EPHA6: variants seen among roughly 807,000 people sequenced by gnomAD.
The protein encoded by EPHA6 is EPH receptor A6.
Under a neutral mutation model 112.0 loss-of-function variants are expected in EPHA6, and 50 were observed. The ratio of observed to expected loss-of-function variants is 0.45; its 90% CI spans 0.36 to 0.56. The LOEUF (loss-of-function observed/expected upper bound fraction) is 0.56, where lower values mean the gene tolerates loss of function less well. Ranked by LOEUF, EPHA6 falls within the 20% of genes least tolerant of loss-of-function variation. The pLI is 0.00. For synonymous variants in EPHA6, 529 were observed against 490.7 expected (o/e 1.08, Z -1.03); for missense variants, 1,280 against 1,417.4 (o/e 0.90, Z 1.56).
intron 2 of EPHA6, among the ~76,000 whole-genome samples, chr3:96,868,455 TA>T (rs201545276): frequency 0.013 from 2,017 of 151,930 alleles, 44 homozygotes; most frequent in African/African-American, 0.044. Flanking sequence ...TTACAGTACT[TA>T]AAATCCACCA....
At chr3:97,523,379 G>A (rs1219961535) in intron 10 of EPHA6, among the ~76,000 whole-genome samples, 1 of 151,912 alleles carries the variant, frequency 6.6e-6, no homozygotes, top group African/African-American at 2.4e-5. Context: ...ATTCCATTAT[G>A]GTCAGAAAAT....
chr3:97,308,339 A>G (rs1576908424), intron 5 of EPHA6, among the ~76,000 whole-genome samples: 1 of 151,734 alleles, frequency 6.6e-6, no homozygotes, highest in Non-Finnish European at 1.5e-5. Context: ...CCCACCACCT[A>G]TAAAAGAAAG....
At chr3:97,194,921 T>A (rs1316250508) in intron 3 of EPHA6, among the ~76,000 whole-genome samples, 1 of 152,090 alleles carries the variant, frequency 6.6e-6, no homozygotes, top group East Asian at 1.9e-4. Flanking sequence ...TGTTTTACCA[T>A]CCCTTTATTT....
At position 97,532,397 on chromosome 3, in the gene EPHA6, C is replaced by T. The variant is rs772863999; in HGVS notation, c.2240C>T (p.Pro747Leu). The T allele has an allele frequency of 1.5e-5, 24 of 1,612,020 alleles. No individual in the cohort carries two copies. The highest frequency in any genetic ancestry group is 1.5e-5 in the Non-Finnish European group (18 of 1,178,730). ...GTCTGTAGTGGGCGTTTGAAGACACCAGGGAAAAGAGAGATCCCAGTTGCC... is the reference window on the plus strand; with the variant it reads ...GTCTGTAGTGGGCGTTTGAAGACACTAGGGAAAAGAGAGATCCCAGTTGCC... ...GEVCSGRLKT[P>L]GKREIPVAIK... The change falls in exon 11 of 18, where the codon CCA becomes CTA. Residue 747 changes from proline (P) to leucine (L), a missense_variant. Around this residue, in one of 4 missense-constraint regions of EPHA6, gnomAD observed 878 missense variants for 999.7 expected, o/e 0.88. Transcript: ENST00000389672.
At chr3:96,860,712 G>A (rs1036638399) in intron 1 of EPHA6, among the ~76,000 whole-genome samples, 3 of 151,986 alleles carry the variant, frequency 2.0e-5, no homozygotes, top group South Asian at 4.2e-4. Flanking sequence ...TGAGAGACTC[G>A]CAACATTTAT....
At position 97,520,337 on chromosome 3, in the gene EPHA6, A is replaced by G. The variant is rs2092520635; in HGVS notation, c.2201-12021A>G. Among the ~76,000 whole-genome samples, 3 of 152,164 alleles carry G rather than the reference A, an allele frequency of 2.0e-5. 1 individual carries two copies. The South Asian group carries it at 6.2e-4, about 31-fold the overall frequency. On this transcript the variant is annotated intron_variant, in intron 10 of 17. Transcript: ENST00000389672. ...TACGTTCATGTGTTTTTCTGATGGT[A>G]GATATCATCCTTTTGTTTCCAGGTG... is the stretch of plus-strand genomic sequence containing the variant.
intron 14 of EPHA6, among the ~76,000 whole-genome samples, chr3:97,658,642 C>T (rs1253966658): frequency 1.3e-5 from 2 of 151,832 alleles, no homozygotes; most frequent in African/African-American, 2.4e-5. Context: ...TAGAAGAAAC[C>T]GTGGGAATTG....
intron 5 of EPHA6, among the ~76,000 whole-genome samples, chr3:97,322,924 C>T (rs2082189073): frequency 6.6e-6 from 1 of 151,952 alleles, no homozygotes; most frequent in Non-Finnish European, 1.5e-5. Flanking sequence ...CCTTCAATTC[C>T]AGCACTTACT....
chr3:97,000,045 A>G (rs909209847), intron 3 of EPHA6, among the ~76,000 whole-genome samples: 2 of 151,824 alleles, frequency 1.3e-5, no homozygotes, highest in Non-Finnish European at 1.5e-5. Context: ...AAATGTGTCA[A>G]GTAGCAACCA....
chr3:97,093,211 A>G (rs1175225384), intron 3 of EPHA6, among the ~76,000 whole-genome samples: 1 of 152,148 alleles, frequency 6.6e-6, no homozygotes, highest in Non-Finnish European at 1.5e-5. Context: ...AGCTAACTGT[A>G]TGACTTTAAA....
At chr3:97,190,364 G>T (rs1384914603) in intron 3 of EPHA6, among the ~76,000 whole-genome samples, 3 of 152,032 alleles carry the variant, frequency 2.0e-5, no homozygotes, top group African/African-American at 7.2e-5. Flanking sequence ...AGCCCTCAAT[G>T]AATGACCTAT....
intron 5 of EPHA6, among the ~76,000 whole-genome samples, chr3:97,328,151 C>G (rs1163035709): frequency 6.8e-6 from 1 of 148,028 alleles, no homozygotes; most frequent in African/African-American, 2.5e-5. Flanking sequence ...AACAAAAAAA[C>G]AGCTATGTAC....
At chr3:96,853,261 C>T (rs943315116) in intron 1 of EPHA6, among the ~76,000 whole-genome samples, 1 of 151,942 alleles carries the variant, frequency 6.6e-6, no homozygotes, top group African/African-American at 2.4e-5. Flanking sequence ...AGAAACTTTA[C>T]AGAAATATTG....
intron 5 of EPHA6, among the ~76,000 whole-genome samples, chr3:97,397,031 A>G (rs957339231): frequency 6.6e-6 from 1 of 151,734 alleles, no homozygotes; most frequent in Non-Finnish European, 1.5e-5. Context: ...CATTTCAGCT[A>G]TCTATTCAAC....
intron 1 of EPHA6, among the ~76,000 whole-genome samples, chr3:96,819,471 GCTTC>G (rs2033080056): frequency 4.0e-5 from 6 of 151,766 alleles, no homozygotes; most frequent in African/African-American, 1.5e-4. Flanking sequence ...ATACACAAAT[GCTTC>G]TGACTGCATG....
chr3:97,629,166 G>C (rs1322156371), intron 13 of EPHA6, among the ~76,000 whole-genome samples: 1 of 151,898 alleles, frequency 6.6e-6, no homozygotes, highest in Non-Finnish European at 1.5e-5. Flanking sequence ...GGCCTCAAAT[G>C]ATCCTCCTGC....
intron 3 of EPHA6, among the ~76,000 whole-genome samples, chr3:97,008,455 C>T (rs1320216789): frequency 6.6e-6 from 1 of 152,154 alleles, no homozygotes; most frequent in African/African-American, 2.4e-5. Context: ...TCAGCCCCAT[C>T]AGGTTGTTTT....
chr3:97,061,885 G>A (rs757835562), intron 3 of EPHA6, among the ~76,000 whole-genome samples: 2 of 152,154 alleles, frequency 1.3e-5, no homozygotes, highest in Non-Finnish European at 2.9e-5. Flanking sequence ...TTACCTTCAA[G>A]AGGCTCCCAA....
intron 3 of EPHA6, among the ~76,000 whole-genome samples, chr3:97,088,050 G>T (rs1214003962): frequency 6.6e-6 from 1 of 151,894 alleles, no homozygotes; most frequent in Admixed American, 6.6e-5. Context: ...GGGTGGTGGC[G>T]TGCACCTATA....
Sources: allele counts gnomAD v4.1 joint callset (sites outside exome capture counted in the v4.1 genomes callset), GRCh38; gene constraint gnomAD v4.1.1; regional missense constraint gnomAD v4.1.1; transcripts MANE v1.5; gene names NCBI Gene and HGNC (gene_info 2026-07-23, HGNC 2026-07-21).